The following PAPSS1 variants were observed in gnomAD, a reference collection of about 807,000 sequenced individuals.
The protein encoded by PAPSS1 is 3'-phosphoadenosine 5'-phosphosulfate synthase 1.
In PAPSS1, 50 loss-of-function variants were observed where a neutral mutation model predicts 72.0. The ratio of observed to expected loss-of-function variants is 0.69; its 90% CI spans 0.55 to 0.88. The LOEUF (loss-of-function observed/expected upper bound fraction) is 0.88. Ranked by LOEUF, PAPSS1 falls within the 40% of genes least tolerant of loss-of-function variation. The probability of loss-of-function intolerance (pLI) is 0.00; values close to 1 mark genes in which losing one functional copy is unlikely to be tolerated. For synonymous variants in PAPSS1, 261 were observed against 263.6 expected, an observed-to-expected ratio of 0.99 and a Z score of 0.09; for missense variants, 657 against 782.2, an observed-to-expected ratio of 0.84 and a Z score of 1.91.
chr4:107,623,474 A>C (rs1726020530), intron 11 of PAPSS1, among the ~76,000 whole-genome samples: 1 of 152,206 alleles, frequency 6.6e-6, no homozygotes, highest in Admixed American at 6.5e-5. Context: ...ACCACAAAAA[A>C]CTAATTTCAT....
intron 10 of PAPSS1, 134 bp downstream of exon 10, chr4:107,644,668 G>A: frequency 1.2e-6 from 1 of 820,158 alleles, no homozygotes; most frequent in Non-Finnish European, 1.8e-6. Context: ...TAACGAGCAG[G>A]AAAGAATGTC....
intron 11 of PAPSS1, among the ~76,000 whole-genome samples, chr4:107,627,750 A>C (rs1389775771): frequency 6.6e-6 from 1 of 152,140 alleles, no homozygotes; most frequent in Non-Finnish European, 1.5e-5. Flanking sequence ...AAAAATTTTA[A>C]GGCATCCTTT....
At chr4:107,713,177 T>C (rs1275777244) in intron 1 of PAPSS1, among the ~76,000 whole-genome samples, 1 of 151,998 alleles carries the variant, frequency 6.6e-6, no homozygotes, top group East Asian at 2.0e-4. Flanking sequence ...TGATACATGT[T>C]GTAACATGGA....
In PAPSS1 at chr4:107,653,494, C is replaced by A; in HGVS notation, c.1234G>T (p.Ala412Ser). 6.2e-7 allele frequency: 1 copy of A among 1,610,350 alleles called. No homozygotes were observed. The highest frequency in any genetic ancestry group is 1.3e-5 in the African/African-American group (1 of 74,892). ...ELKQKFKDMNADAVFAFQLRN... is the reference protein window; with the variant it reads ...ELKQKFKDMNSDAVFAFQLRN... ...GGTAATTAAATCCATGTCTTACCAG[C>A]ATTCATATCTTTAAATTTCTGCTTT... Residue 412 changes from alanine (A) to serine (S), a missense_variant, in exon 9 of 12, where the codon GCT becomes TCT. Physicochemically the swap from Ala to Ser is moderately conservative, Grantham distance 99 (BLOSUM62 1). Coordinates refer to ENST00000265174, the MANE Select transcript of PAPSS1 (RefSeq NM_005443.5).
In PAPSS1 at chr4:107,654,817, C is replaced by G. The variant is rs760652522; in HGVS notation, c.979G>C (p.Ala327Pro). ...ACACGGCGGCCCTCATACATCAGAGCAAATGCTGTACAGCCGTCCAGCCTC... is the reference window on the plus strand; with the variant it reads ...ACACGGCGGCCCTCATACATCAGAGGAAATGCTGTACAGCCGTCCAGCCTC... ...KERLDGCTAF[A>P]LMYEGRRVAI... Residue 327 changes from alanine (A) to proline (P), a missense_variant, in exon 8 of 12, where the codon GCT (alanine) becomes CCT (proline). Transcript: ENST00000265174. 3 of 1,613,856 alleles carry G rather than the reference C, an allele frequency of 1.9e-6. No homozygotes were observed. The highest frequency in any genetic ancestry group is 2.5e-6 in the Non-Finnish European group (3 of 1,179,904).
At chr4:107,668,002 C>T (rs1201738299) in intron 5 of PAPSS1, among the ~76,000 whole-genome samples, 1 of 152,166 alleles carries the variant, frequency 6.6e-6, no homozygotes, top group Non-Finnish European at 1.5e-5. Flanking sequence ...AATGCCCATG[C>T]CTCTCCCATT....
rs147333356 is a variant in PAPSS1 at position 107,701,177 on chromosome 4, G to A, written c.169C>T (p.Leu57=). The A allele has an allele frequency of 1.2e-6, 2 of 1,609,694 alleles. No homozygotes were observed. The highest frequency in any genetic ancestry group is 1.3e-5 in the African/African-American group (1 of 74,860). Residue 57 remains leucine (L), a synonymous_variant, in exon 2 of 12, where the codon CTA becomes TTA. Transcript: ENST00000265174. The part of the protein sequence containing the change: ...RGGFRGCTVW[L]TGLSGAGKTT... ...TTCTCTCTCTTGACCATACCTGTTAGCCAAACTGTGCAACCACGAAAGCCA... is the reference window on the plus strand; with the variant it reads ...TTCTCTCTCTTGACCATACCTGTTAACCAAACTGTGCAACCACGAAAGCCA...
rs541349178 is a variant in PAPSS1, at chr4:107,701,555, C to A, written c.61-270G>T. Among the ~76,000 whole-genome samples the A allele has an allele frequency of 6.6e-5, 10 of 152,248 alleles. 1 individual carries two copies. In the South Asian group the frequency reaches 2.1e-3, roughly 32 times the overall value. ...TTTAAATCTGAAAAATGGTAAATAACTTGCCGGAGATCCCAAAACTAGTGA... is the reference window on the plus strand; with the variant it reads ...TTTAAATCTGAAAAATGGTAAATAAATTGCCGGAGATCCCAAAACTAGTGA... On this transcript the variant is annotated intron_variant, in intron 1 of 11. Transcript: ENST00000265174.
At chr4:107,667,678 T>C (rs1727355858) in intron 5 of PAPSS1, among the ~76,000 whole-genome samples, 1 of 152,220 alleles carries the variant, frequency 6.6e-6, no homozygotes. Context: ...GGATAAAATT[T>C]ACTTAGTTTA....
chr4:107,712,829 C>T (rs2726178), intron 1 of PAPSS1, among the ~76,000 whole-genome samples: 42,630 of 149,376 alleles, frequency 0.29, 7,138 homozygotes, highest in East Asian at 0.46. Context: ...GCCAAGATTG[C>T]GCCACTGCAC....
intron 5 of PAPSS1, among the ~76,000 whole-genome samples, chr4:107,661,230 G>T (rs1263639334): frequency 1.3e-5 from 2 of 152,120 alleles, no homozygotes; most frequent in East Asian, 3.8e-4. Context: ...TGGAGCAATA[G>T]GAACCCTCAT....
chr4:107,682,368 G>A (rs1053931889), intron 4 of PAPSS1, among the ~76,000 whole-genome samples: 15 of 151,946 alleles, frequency 9.9e-5, no homozygotes, highest in African/African-American at 3.4e-4. Context: ...TGTAAAAAAT[G>A]TGACACCAAA....
intron 5 of PAPSS1, among the ~76,000 whole-genome samples, chr4:107,672,157 G>A (rs1467865900): frequency 6.6e-6 from 1 of 152,214 alleles, no homozygotes; most frequent in African/African-American, 2.4e-5. Context: ...GAAGACGGGT[G>A]ATTTCTGCAT....
chr4:107,709,281 C>A (rs1430211574), intron 1 of PAPSS1, among the ~76,000 whole-genome samples: 1 of 152,112 alleles, frequency 6.6e-6, no homozygotes, highest in Non-Finnish European at 1.5e-5. Context: ...TTGAAACAGC[C>A]TTTGCAAAAA....
intron 9 of PAPSS1, among the ~76,000 whole-genome samples, chr4:107,652,233 A>G (rs1409779792): frequency 6.6e-6 from 1 of 152,202 alleles, no homozygotes; most frequent in Non-Finnish European, 1.5e-5. Context: ...GGGCCAAACC[A>G]TCTCTGCAGT....
intron 1 of PAPSS1, among the ~76,000 whole-genome samples, chr4:107,706,452 A>G (rs1331708651): frequency 1.3e-5 from 2 of 152,210 alleles, no homozygotes; most frequent in East Asian, 3.9e-4. Flanking sequence ...TTTCAGCTCT[A>G]GAATTTTTTA....
rs59639414 is a variant in PAPSS1 at position 107,717,256 on chromosome 4, T to C, written c.60+2864A>G. Among the ~76,000 whole-genome samples the C allele has an allele frequency of 3.0e-3, 451 of 152,292 alleles. 3 individuals carry two copies. The highest frequency in any genetic ancestry group is 0.01 in the African/African-American group (416 of 41,554). On this transcript the variant is annotated intron_variant, in intron 1 of 11. Transcript: ENST00000265174. ...TTTTTAATGTGGTATCTAGTAAATG[T>C]TGAATTATATACATGGCTCATATTT...
intron 1 of PAPSS1, 94 bp from the exon 2 acceptor site, chr4:107,701,379 T>A: frequency 1.3e-6 from 1 of 769,744 alleles, no homozygotes; most frequent in East Asian, 2.5e-5. Flanking sequence ...CTATGTAACA[T>A]GCCAAAAGCA....
chr4:107,682,290 T>C (rs1320594155), intron 4 of PAPSS1, among the ~76,000 whole-genome samples, 157 bp from the exon 5 acceptor site: 1 of 152,184 alleles, frequency 6.6e-6, no homozygotes, highest in Non-Finnish European at 1.5e-5. Context: ...AGATTTCTAA[T>C]TAAACTTTTT....
Sources: gnomAD v4.1 joint callset for allele counts (sites outside exome capture counted in the v4.1 genomes callset) on GRCh38, gnomAD v4.1.1 for gene constraint, MANE v1.5 for transcripts, NCBI Gene and HGNC (gene_info 2026-07-23, HGNC 2026-07-21) for gene names.